NRG3: variants seen among roughly 807,000 people sequenced by gnomAD.
NRG3 encodes pro-neuregulin-3, membrane-bound isoform.
Under a neutral mutation model 66.9 loss-of-function variants are expected in NRG3, and 31 were observed. That is an observed-to-expected ratio of 0.46 (90% CI 0.35 to 0.63). The LOEUF is 0.63. Ranked by LOEUF, NRG3 falls within the 20% of genes least tolerant of loss-of-function variation. The pLI, the probability that NRG3 is intolerant of heterozygous loss-of-function variation, is 0.00. For missense variants in NRG3, 910 were observed against 878.9 expected, an observed-to-expected ratio of 1.04 and a Z score of -0.45; for synonymous variants, 393 against 359.4, an observed-to-expected ratio of 1.09 and a Z score of -1.06.
chr10:82,758,011 A>G (rs2135021791), intron 3 of NRG3, among the ~76,000 whole-genome samples: 1 of 152,190 alleles, frequency 6.6e-6, no homozygotes, highest in Admixed American at 6.6e-5. Flanking sequence ...AGTGAGGCCA[A>G]CTTAGACAGG....
chr10:81,983,795 C>G (rs1342509527), intron 1 of NRG3, among the ~76,000 whole-genome samples: 1 of 152,158 alleles, frequency 6.6e-6, no homozygotes, highest in Non-Finnish European at 1.5e-5. Flanking sequence ...CAGTTTATAA[C>G]TGTTGTAGAT....
chr10:82,022,437 C>T (rs2062104533), intron 1 of NRG3, among the ~76,000 whole-genome samples: 1 of 152,084 alleles, frequency 6.6e-6, no homozygotes, highest in Admixed American at 6.6e-5. Context: ...ACTCTTCTCT[C>T]TGCTCATCCA....
chr10:82,040,029 A>G (rs928027864), intron 1 of NRG3, among the ~76,000 whole-genome samples: 1 of 63,936 alleles, frequency 1.6e-5, no homozygotes, highest in Non-Finnish European at 5.2e-5. Context: ...AATAAGGGTT[A>G]AGAAGGAGGA....
At chr10:82,340,361 A>G (rs898756882) in intron 1 of NRG3, among the ~76,000 whole-genome samples, 23 of 152,186 alleles carry the variant, frequency 1.5e-4, no homozygotes, top group African/African-American at 5.1e-4. Context: ...TATTTTTTCT[A>G]CTTCTGCCAT....
intron 1 of NRG3, among the ~76,000 whole-genome samples, chr10:82,313,164 C>A (rs551302900): frequency 2.6e-5 from 4 of 151,864 alleles, no homozygotes. Context: ...CAGAGCGAGA[C>A]CCTGTCTCAA....
intron 1 of NRG3, among the ~76,000 whole-genome samples, chr10:82,170,896 T>C (rs2072553760): frequency 6.6e-6 from 1 of 151,276 alleles, no homozygotes; most frequent in Admixed American, 6.6e-5. Flanking sequence ...TAAGTTAATA[T>C]TGTTTCAATC....
At chr10:82,694,844 A>G (rs1319879645) in intron 2 of NRG3, among the ~76,000 whole-genome samples, 2 of 152,204 alleles carry the variant, frequency 1.3e-5, no homozygotes, top group African/African-American at 4.8e-5. Context: ...AACTATGAGG[A>G]ACATATGTCT....
chr10:82,172,571 C>T (rs1314346036), intron 1 of NRG3, among the ~76,000 whole-genome samples: 1 of 152,024 alleles, frequency 6.6e-6, no homozygotes, highest in Non-Finnish European at 1.5e-5. Flanking sequence ...GATCCTGGGG[C>T]TACTGCTAAA....
chr10:82,259,004 A>G (rs376027278), intron 1 of NRG3, among the ~76,000 whole-genome samples: 8 of 152,132 alleles, frequency 5.3e-5, no homozygotes, highest in East Asian at 3.9e-4. Flanking sequence ...CAGGAAACTA[A>G]TTGTGAAATG....
intron 1 of NRG3, among the ~76,000 whole-genome samples, chr10:81,952,314 CT>C (rs780236760): frequency 1.5e-4 from 23 of 151,996 alleles, no homozygotes; most frequent in Non-Finnish European, 2.4e-4. Flanking sequence ...TTAGTTCTTC[CT>C]TTTCCTTTCC....
intron 2 of NRG3, among the ~76,000 whole-genome samples, chr10:82,419,312 G>A (rs751488978): frequency 1.3e-5 from 2 of 151,964 alleles, no homozygotes; most frequent in African/African-American, 4.8e-5. Flanking sequence ...TTGAAAGGCA[G>A]AGTTTAAACA....
intron 1 of NRG3, among the ~76,000 whole-genome samples, chr10:82,323,234 C>CT (rs1441139349): frequency 6.6e-6 from 1 of 152,162 alleles, no homozygotes; most frequent in Non-Finnish European, 1.5e-5. Context: ...GGCATATCTA[C>CT]TTTTTATCAT....
At chr10:82,058,380 A>T (rs2063959384) in intron 1 of NRG3, among the ~76,000 whole-genome samples, 1 of 152,016 alleles carries the variant, frequency 6.6e-6, no homozygotes, top group African/African-American at 2.4e-5. Context: ...TGCTTAGAAA[A>T]TTGTCTCCGT....
At chr10:82,832,792 G>A (rs902459335) in intron 3 of NRG3, among the ~76,000 whole-genome samples, 3 of 145,968 alleles carry the variant, frequency 2.1e-5, no homozygotes, top group Non-Finnish European at 4.5e-5. Context: ...GACAGAAGAG[G>A]TATGCATGTA....
intron 1 of NRG3, among the ~76,000 whole-genome samples, chr10:82,207,959 T>TA (rs1179677797): frequency 5.3e-5 from 8 of 152,164 alleles, no homozygotes; most frequent in African/African-American, 1.9e-4. Context: ...GTAAAGAACT[T>TA]ACCACTTTTA....
intron 1 of NRG3, among the ~76,000 whole-genome samples, chr10:82,060,953 G>T (rs1233790943): frequency 6.6e-6 from 1 of 152,202 alleles, no homozygotes; most frequent in Non-Finnish European, 1.5e-5. Flanking sequence ...GGTCAGGCCT[G>T]TCTGGCTCCC....
intron 2 of NRG3, among the ~76,000 whole-genome samples, chr10:82,410,869 T>C (rs2088022447): frequency 6.6e-6 from 1 of 152,278 alleles, no homozygotes; most frequent in South Asian, 2.1e-4. Context: ...GTTTTCTCTC[T>C]CAGTAGTACA....
At chr10:82,216,615 T>TAG (rs2075700086) in intron 1 of NRG3, among the ~76,000 whole-genome samples, 1 of 150,768 alleles carries the variant, frequency 6.6e-6, no homozygotes, top group East Asian at 1.9e-4. Flanking sequence ...TATAGATATA[T>TAG]ATATATATAT....
At chr10:82,917,964 G>GTATATATATA (rs1337255892) in intron 4 of NRG3, among the ~76,000 whole-genome samples, 12 of 88,096 alleles carry the variant, frequency 1.4e-4, no homozygotes, top group Non-Finnish European at 2.5e-4. Context: ...GTGTGTGTGT[G>GTATATATATA]TGTGTGTATA....
Sources: allele counts gnomAD v4.1 joint callset (sites outside exome capture counted in the v4.1 genomes callset), GRCh38; gene constraint gnomAD v4.1.1; transcripts MANE v1.5; gene names NCBI Gene and HGNC (gene_info 2026-07-23, HGNC 2026-07-21).